The following ORC5 variants were observed in gnomAD, a reference collection of about 807,000 sequenced individuals.
The protein encoded by ORC5 is protein phosphatase 1, regulatory subunit 117.
ORC5 carries 39 observed loss-of-function variants against 58.8 expected under a neutral mutation model. The ratio of observed to expected loss-of-function variants is 0.66; its 90% CI spans 0.51 to 0.87. ORC5 has a LOEUF of 0.87. Among genes scored for constraint, ORC5 ranks in the 40% least tolerant of loss-of-function variants. The pLI is 0.00. For missense variants in ORC5, 493 were observed against 506.3 expected, an observed-to-expected ratio of 0.97 and a Z score of 0.25; for synonymous variants, 218 against 177.6, an observed-to-expected ratio of 1.23 and a Z score of -1.81.
chr7:104,139,822 T>C (rs1470638892), intron 12 of ORC5, among the ~76,000 whole-genome samples: 1 of 152,010 alleles, frequency 6.6e-6, no homozygotes, highest in African/African-American at 2.4e-5. Flanking sequence ...ACAAGACACA[T>C]ATGTAACAAA....
At chr7:104,194,907 A>T (rs17159937) in intron 5 of ORC5, among the ~76,000 whole-genome samples, 4,457 of 133,694 alleles carry the variant, frequency 0.033, 200 homozygotes, top group African/African-American at 0.14. Flanking sequence ...CTTATTTGAG[A>T]TTGGCAGCAA....
chr7:104,192,023 AG>A (rs1799688017), intron 5 of ORC5, among the ~76,000 whole-genome samples: 2 of 152,172 alleles, frequency 1.3e-5, no homozygotes, highest in African/African-American at 4.8e-5. Context: ...ACCTGAGAAA[AG>A]GTAAACAAAT....
At chr7:104,171,739 A>C (rs1799214508) in intron 8 of ORC5, among the ~76,000 whole-genome samples, 1 of 152,156 alleles carries the variant, frequency 6.6e-6, no homozygotes, top group African/African-American at 2.4e-5. Context: ...CTATAGTCCC[A>C]GCTACTCGGG....
intron 8 of ORC5, among the ~76,000 whole-genome samples, chr7:104,170,990 C>T (rs1290459123): frequency 6.6e-6 from 1 of 152,012 alleles, no homozygotes; most frequent in Non-Finnish European, 1.5e-5. Flanking sequence ...AATCTACTTT[C>T]CTTTGGATAT....
At chr7:104,175,714 A>G (rs1420281469) in intron 8 of ORC5, among the ~76,000 whole-genome samples, 8 of 152,224 alleles carry the variant, frequency 5.3e-5, no homozygotes, top group African/African-American at 1.9e-4. Flanking sequence ...TTTGTCTGCC[A>G]TGCAGGGACT....
At chr7:104,149,461 T>C (rs545038310) in intron 12 of ORC5, among the ~76,000 whole-genome samples, 15 of 152,262 alleles carry the variant, frequency 9.9e-5, no homozygotes, top group Non-Finnish European at 1.9e-4. Context: ...CTCAAATGAA[T>C]AAAAAAGTAG....
At chr7:104,193,043 G>A (rs1799711248) in intron 5 of ORC5, among the ~76,000 whole-genome samples, 1 of 151,990 alleles carries the variant, frequency 6.6e-6, no homozygotes, top group Admixed American at 6.6e-5. Context: ...AAGAAAAGGT[G>A]AGGGGGGCAG....
chr7:104,169,423 A>G (rs2115887530), intron 8 of ORC5, among the ~76,000 whole-genome samples: 1 of 152,308 alleles, frequency 6.6e-6, no homozygotes, highest in East Asian at 1.9e-4. Flanking sequence ...GACAAATTGA[A>G]TTTATAAGGC....
chr7:104,188,378 T>C lies in ORC5; in HGVS notation c.557A>G (p.Asn186Ser), dbSNP rs780684512. The C allele has an allele frequency of 9.3e-5, 150 of 1,607,480 alleles. No homozygotes were observed. The highest frequency in any genetic ancestry group is 1.2e-4 in the African/African-American group (9 of 74,768). Residue 186 changes from asparagine (N) to serine (S), a missense_variant, in exon 6 of 14, where the codon AAC becomes AGC. Asn to Ser is a conservative substitution (Grantham distance 46). Transcript: ENST00000297431. ...ATCATGGGACAGGATCTTTTGAAGG[T>C]TGCCTGTTCACAGGACACAAAATAA... ...VLYFPDYSIG[N>S]LQKILSHDHP... is the part of the protein sequence containing the mutation.
intron 12 of ORC5, among the ~76,000 whole-genome samples, chr7:104,139,736 TGAAAA>T (rs1258829479): frequency 6.6e-6 from 1 of 152,066 alleles, no homozygotes; most frequent in Non-Finnish European, 1.5e-5. Context: ...TATTGTGCGT[TGAAAA>T]GAATATGTAT....
At position 104,184,041 on chromosome 7, in the gene ORC5, A is replaced by T. The variant is rs1223934700; in HGVS notation, c.734-8T>A. 8 of 1,606,192 alleles carry T rather than the reference A, an allele frequency of 5.0e-6. No homozygotes were observed. Among genetic ancestry groups the T allele is most frequent in the Non-Finnish European group, 5.1e-6 (6 of 1,176,588 alleles). On this transcript the variant is annotated splice_polypyrimidine_tract_variant and splice_region_variant and intron_variant, in intron 7 of 13. Coordinates refer to ENST00000297431, the MANE Select transcript of ORC5 (RefSeq NM_002553.4). ...GAGTATCACGTTCACTTGCTACCCC[A>T]AAGGGAAGAAAATTTCAGTAATTTA...
At chr7:104,149,695 G>T (rs1039113633) in intron 12 of ORC5, among the ~76,000 whole-genome samples, 4 of 152,070 alleles carry the variant, frequency 2.6e-5, no homozygotes, top group African/African-American at 9.7e-5. Flanking sequence ...GAGGCATCCT[G>T]TTATCAAAGA....
rs113006555 is a variant in ORC5 at position 104,207,863 on chromosome 7, T to C, written c.42A>G (p.Gln14=). 7.4e-6 allele frequency: 12 copies of C among 1,614,074 alleles called. No homozygotes were observed. Among genetic ancestry groups the C allele is most frequent in the Admixed American group, 5.0e-5 (3 of 60,010 alleles). ...LENVVLCRES[Q]VSILQSLFGE... ...CAAACAAGGACTGCAAGATGGACAC[T>C]TGAGACTCGCGACAAAGCACCACGT... is the stretch of plus-strand genomic sequence containing the variant. Residue 14 remains glutamine, a synonymous_variant, in exon 1 of 14, where the codon CAA becomes CAG. Transcript: ENST00000297431.
chr7:104,184,842 G>A (rs1301235625), intron 6 of ORC5, among the ~76,000 whole-genome samples: 1 of 152,306 alleles, frequency 6.6e-6, no homozygotes, highest in African/African-American at 2.4e-5. Flanking sequence ...AGGTGTGACA[G>A]AGAAACTTAG....
chr7:104,153,050 T>TGG (rs1798871057), intron 12 of ORC5, among the ~76,000 whole-genome samples: 2 of 152,168 alleles, frequency 1.3e-5, no homozygotes, highest in Admixed American at 1.3e-4. Flanking sequence ...ACACTGTTCT[T>TGG]TTACATATGA....
chr7:104,181,781 G>C (rs1214017428), intron 8 of ORC5, among the ~76,000 whole-genome samples: 1 of 131,762 alleles, frequency 7.6e-6, no homozygotes, highest in African/African-American at 2.8e-5. Context: ...GACAGAGCGA[G>C]ACTCCGTCTC....
chr7:104,167,733 A>C (rs2115876972), intron 9 of ORC5, among the ~76,000 whole-genome samples: 2 of 152,314 alleles, frequency 1.3e-5, no homozygotes, highest in Middle Eastern at 6.8e-3. Flanking sequence ...AGTAATGCTA[A>C]ATATTCTTCC....
chr7:104,152,715 A>G (rs1344998845), intron 12 of ORC5, among the ~76,000 whole-genome samples: 1 of 152,150 alleles, frequency 6.6e-6, no homozygotes, highest in African/African-American at 2.4e-5. Flanking sequence ...GGTTTAATAT[A>G]TTTCCCCCAA....
chr7:104,197,907 C>G, intron 3 of ORC5, 108 bp from the exon 4 acceptor site: 1 of 623,410 alleles, frequency 1.6e-6, no homozygotes, highest in Non-Finnish European at 2.7e-6. Flanking sequence ...AACTTAATCC[C>G]CAGTGTGGCA....
Sources: gnomAD v4.1 joint callset for allele counts (sites outside exome capture counted in the v4.1 genomes callset) on GRCh38, gnomAD v4.1.1 for gene constraint, MANE v1.5 for transcripts, NCBI Gene and HGNC (gene_info 2026-07-23, HGNC 2026-07-21) for gene names.